MICALL2: variants seen among roughly 807,000 people sequenced by gnomAD.
The protein encoded by MICALL2 is MICAL like 2.
A neutral mutation model predicts 91.1 loss-of-function variants in MICALL2; 111 were observed. The ratio of observed to expected loss-of-function variants is 1.22; its 90% CI spans 1.04 to 1.43. The LOEUF (loss-of-function observed/expected upper bound fraction) is 1.43. Ranked by LOEUF, MICALL2 falls within the 40% of genes most tolerant of loss-of-function variation. The pLI, the probability that MICALL2 is intolerant of heterozygous loss-of-function variation, is 0.00. For synonymous variants in MICALL2, 694 were observed against 525.3 expected, an observed-to-expected ratio of 1.32 and a Z score of -4.39; for missense variants, 1,556 against 1,236.0, an observed-to-expected ratio of 1.26 and a Z score of -3.88.
intron 6 of MICALL2, 119 bp downstream of exon 6, chr7:1,444,533 C>G (rs1329333637): frequency 2.0e-6 from 2 of 982,054 alleles, no homozygotes; most frequent in African/African-American, 3.3e-5. Context: ...GGGGGAAGTG[C>G]AGTCCCCAAG....
chr7:1,448,658 A>T lies in MICALL2; in HGVS notation c.296T>A (p.Val99Glu). 6.2e-7 allele frequency: 1 copy of T among 1,612,760 alleles called. No individual in the cohort carries two copies. The highest frequency in any genetic ancestry group is 1.1e-5 in the South Asian group (1 of 91,090). Residue 99 changes from valine (V) to glutamate (E), a missense_variant, in exon 3 of 17, where the codon GTG (valine) becomes GAG (glutamate). Transcript: ENST00000297508. ...VPDRLSILTY[V>E]SQYYNYFHGR... is the part of the protein sequence containing the mutation. ...GTGGAAGTAGTTGTAATACTGGGAC[A>T]CGTAGGTCAAGATGCTCAGCCGGTC...
intron 15 of MICALL2, among the ~76,000 whole-genome samples, chr7:1,436,416 G>T (rs2128518665): frequency 7.5e-6 from 1 of 132,914 alleles, no homozygotes; most frequent in Admixed American, 7.4e-5. Context: ...AGCCGGGTGT[G>T]GTAGTGTGCG....
At chr7:1,438,706 G>A (rs1218831341) in intron 10 of MICALL2, 134 bp downstream of exon 10, 3 of 1,485,096 alleles carry the variant, frequency 2.0e-6, no homozygotes, top group Admixed American at 2.3e-5. Flanking sequence ...CACGGGGCTG[G>A]GTCCTTCCTC....
Position 1,437,933 on chromosome 7 carries a change from C to G in MICALL2, c.2359G>C (p.Glu787Gln). 6.5e-7 allele frequency: 1 copy of G among 1,549,702 alleles called. No individual in the cohort carries two copies. The highest frequency in any genetic ancestry group is 2.1e-4 in the Middle Eastern group (1 of 4,872). Residue 787 changes from glutamate to glutamine, a missense_variant, in exon 13 of 17, where the codon GAG (glutamate) becomes CAG (glutamine). Transcript: ENST00000297508. The stretch of plus-strand genomic sequence containing the variant: ...TCCTGTCTCAGCAGAAGCTGCTTCT[C>G]GTGAATGAGCCAGAACCAGTCCACC... ...LMVDWFWLIH[E>Q]KQLLLRQESE...
In MICALL2 at chr7:1,447,598, C is replaced by T. The variant is rs1386299407; in HGVS notation, c.502G>A (p.Ala168Thr). 10 of 1,584,194 alleles carry T rather than the reference C, an allele frequency of 6.3e-6. No individual in the cohort carries two copies. The highest frequency in any genetic ancestry group is 2.3e-5 in the East Asian group (1 of 43,710). The change falls in exon 4 of 17, where the codon GCA becomes ACA. Residue 168 changes from alanine (A) to threonine (T), a missense_variant. Transcript: ENST00000297508. Reference protein sequence around the residue: ...NPVVQRRNEGAGGPPPKTDQA... With the variant: ...NPVVQRRNEGTGGPPPKTDQA... ...ACAGTCTTGGGGGGCGGGCCCCCTG[C>T]ACCCTCATTCCTCCTCTGGACCACA...
chr7:1,438,819 A>G, intron 10 of MICALL2, 21 bp downstream of exon 10: 1 of 1,584,934 alleles, frequency 6.3e-7, no homozygotes, highest in South Asian at 1.1e-5. Context: ...CCCAAACAGC[A>G]GCGGTGTCTC....
At chr7:1,440,273 G>T in intron 8 of MICALL2, 188 bp from the exon 9 acceptor site, 1 of 714,514 alleles carries the variant, frequency 1.4e-6, no homozygotes, top group Non-Finnish European at 2.3e-6. Context: ...ATCGCTACCT[G>T]CCGTGGTGCG....
At chr7:1,443,086 A>AC (rs1246277560) in intron 6 of MICALL2, among the ~76,000 whole-genome samples, 2 of 32,054 alleles carry the variant, frequency 6.2e-5, no homozygotes, top group Non-Finnish European at 1.2e-4. Context: ...CCATGTCCCC[A>AC]CCCCCCTCGA....
intron 10 of MICALL2, 41 bp from the exon 11 acceptor site, chr7:1,438,394 C>A: frequency 6.4e-7 from 1 of 1,572,098 alleles, no homozygotes; most frequent in Non-Finnish European, 8.6e-7. Flanking sequence ...CCTGGGCCAC[C>A]AGGCCCAACG....
chr7:1,442,292 C>T lies in MICALL2; in HGVS notation c.1611G>A (p.Arg537=), dbSNP rs752023889. The change falls in exon 7 of 17, where the codon AGG becomes AGA. Residue 537 remains arginine (R), a synonymous_variant. Coordinates refer to ENST00000297508, the MANE Select transcript of MICALL2 (RefSeq NM_182924.4). ...CGACCCCTGAGGATTCCGCCAAGTT[C>T]CTCCTGCCTGCCGGGGGCAACGCGG... ...QASALPPAGR[R]NLAESSGVGR... The T allele has an allele frequency of 6.2e-7, 1 of 1,613,108 alleles. No homozygotes were observed. The highest frequency in any genetic ancestry group is 8.5e-7 in the Non-Finnish European group (1 of 1,179,938).
At chr7:1,438,785 G>C in intron 10 of MICALL2, 55 bp downstream of exon 10, 1 of 1,546,290 alleles carries the variant, frequency 6.5e-7, no homozygotes, top group Middle Eastern at 1.7e-4. Context: ...TGCCTCCTCA[G>C]AGGAAGGCTC....
chr7:1,437,519 C>A lies in MICALL2; in HGVS notation c.2476+16G>T. ...TCCCTGGCTGGGGCCCCTTGGCTGG[C>A]GCGCGGGGGACGCACCGGGCTTGGC... On this transcript the variant is annotated intron_variant, in intron 14 of 16. Transcript: ENST00000297508. 6.7e-7 allele frequency: 1 copy of A among 1,501,854 alleles called. No individual in the cohort carries two copies. Among genetic ancestry groups the A allele is most frequent in the Non-Finnish European group, 8.8e-7 (1 of 1,138,298 alleles). 93.0% of individuals were successfully genotyped at this position (1,501,854 alleles called of 1,614,324 possible).
chr7:1,435,269 G>A, intron 15 of MICALL2, 122 bp from the exon 16 acceptor site: 1 of 913,494 alleles, frequency 1.1e-6, no homozygotes, highest in Non-Finnish European at 1.7e-6. Context: ...CATGCCACCT[G>A]CCCCTTCCTG....
At position 1,434,533 on chromosome 7, in the gene MICALL2, C is replaced by G; in HGVS notation, c.*63G>C. The G allele has an allele frequency of 7.0e-7, 1 of 1,431,940 alleles. No individual in the cohort carries two copies. The highest frequency in any genetic ancestry group is 9.9e-7 in the Non-Finnish European group (1 of 1,015,036). 88.7% of individuals were successfully genotyped at this position (1,431,940 alleles called of 1,614,324 possible). ...GTCCGGGTTCCGGGTCCGGGCCAAG[C>G]CCATGGCCCCGAGTCCAAGTCCGGA... On this transcript the variant is annotated 3_prime_UTR_variant, in exon 17 of 17. Coordinates refer to ENST00000297508, the MANE Select transcript of MICALL2 (RefSeq NM_182924.4).
rs1780474127 is a variant in MICALL2 at position 1,444,632 on chromosome 7, C to CT, written c.1418+19dup. 6.2e-7 allele frequency: 1 copy of CT among 1,600,400 alleles called. No homozygotes were observed. Among genetic ancestry groups the CT allele is most frequent in the Non-Finnish European group, 8.5e-7 (1 of 1,177,372 alleles). ...TGCAAAGAGGCCATACCCGGGGTCC[C>CT]TCGGTCCCCACGCGCTCACCTGCCA... On this transcript the variant is annotated intron_variant, in intron 6 of 16. Transcript: ENST00000297508.
At chr7:1,437,220 C>T (rs1362077688) in intron 14 of MICALL2, 20 of 505,024 alleles carry the variant, frequency 4.0e-5, no homozygotes, top group South Asian at 1.7e-4. Flanking sequence ...GCCTATGGCT[C>T]GCCCTGACTG....
rs368634857 is a variant in MICALL2 at position 1,440,617 on chromosome 7, G to C, written c.1779C>G (p.Pro593=). ...TCTCAGCTGGGCTTCTCCTGTCCACGGGCTTCAGATTCGCTCTCCATCCTG... is the reference window on the plus strand; with the variant it reads ...TCTCAGCTGGGCTTCTCCTGTCCACCGGCTTCAGATTCGCTCTCCATCCTG... ...GPAGWRANLK[P]VDRRSPAERT... The change falls in exon 8 of 17, where the codon CCC becomes CCG. Residue 593 remains proline, a synonymous_variant. Coordinates refer to ENST00000297508, the MANE Select transcript of MICALL2 (RefSeq NM_182924.4). 6 of 1,612,608 alleles carry C rather than the reference G, an allele frequency of 3.7e-6. No individual in the cohort carries two copies. The African/African-American group carries it at 5.3e-5, about 14-fold the overall frequency.
chr7:1,453,459 C>A (rs370112589), intron 1 of MICALL2, among the ~76,000 whole-genome samples: 1 of 152,190 alleles, frequency 6.6e-6, no homozygotes, highest in South Asian at 2.1e-4. Flanking sequence ...CCTGCTCACA[C>A]CTCCGTCCGG....
At chr7:1,440,871 T>G in intron 7 of MICALL2, 187 bp from the exon 8 acceptor site, 1 of 590,884 alleles carries the variant, frequency 1.7e-6, no homozygotes, top group South Asian at 1.8e-5. Flanking sequence ...CCCAGCTGGC[T>G]CTCCTGTGCT....
Sources: allele counts gnomAD v4.1 joint callset (sites outside exome capture counted in the v4.1 genomes callset), GRCh38; gene constraint gnomAD v4.1.1; transcripts MANE v1.5; gene names NCBI Gene and HGNC (gene_info 2026-07-23, HGNC 2026-07-21).